RIMKLB: variants seen among roughly 807,000 people sequenced by gnomAD.
RIMKLB encodes the protein ribosomal modification protein rimK like family member B.
In RIMKLB, 7 loss-of-function variants were observed where a neutral mutation model predicts 32.0. That is an observed-to-expected ratio of 0.22 (90% CI 0.12 to 0.41). The LOEUF (loss-of-function observed/expected upper bound fraction) is 0.41, where lower values mean the gene tolerates loss of function less well. Among genes scored for constraint, RIMKLB ranks in the 10% least tolerant of loss-of-function variants. RIMKLB has a pLI of 1.00. For synonymous variants in RIMKLB, 172 were observed against 185.1 expected, an observed-to-expected ratio of 0.93 and a Z score of 0.57; for missense variants, 289 against 498.7, an observed-to-expected ratio of 0.58 and a Z score of 4.00.
chr12:8,685,549 A>C (rs1395525802), intron 1 of RIMKLB, among the ~76,000 whole-genome samples: 1 of 149,584 alleles, frequency 6.7e-6, no homozygotes, highest in Non-Finnish European at 1.5e-5. Context: ...TTTTTATTAA[A>C]TTGTTGCATT....
Position 8,775,518 on chromosome 12 carries a change from C to T in RIMKLB, c.*1734C>T. ...AAGCTTTTACCCAAGCCCTTTCTTG[C>T]CTCTCCAGTGCTATTTTCCTTCAGA... On this transcript the variant is annotated 3_prime_UTR_variant, in exon 6 of 6. Coordinates refer to ENST00000535829, the MANE Select transcript of RIMKLB (RefSeq NM_001297776.2). 1 of 985,716 alleles carries T rather than the reference C, an allele frequency of 1.0e-6. No individual in the cohort carries two copies. The highest frequency in any genetic ancestry group is 4.7e-5 in the South Asian group (1 of 21,276). The allele number at this position is 985,716 out of a possible 1,614,324, so 61.1% of individuals were successfully genotyped here.
At position 8,776,587 on chromosome 12, in the gene RIMKLB, T is replaced by A. The variant is rs916420002; in HGVS notation, c.*2803T>A. On this transcript the variant is annotated 3_prime_UTR_variant, in exon 6 of 6. Transcript: ENST00000535829. ...ATTTCAAAAATGATTATTTCTGATA[T>A]TGTTTTTATGTCACCCATGATGAAA... The A allele has an allele frequency of 8.4e-6, 7 of 836,104 alleles. No individual in the cohort carries two copies. The highest frequency in any genetic ancestry group is 1.0e-5 in the Non-Finnish European group (7 of 694,196). The allele number at this position is 836,104 out of a possible 1,614,324, so 51.8% of individuals were successfully genotyped here.
chr12:8,708,904 T>C (rs1420551978), intron 1 of RIMKLB, among the ~76,000 whole-genome samples: 1 of 152,190 alleles, frequency 6.6e-6, no homozygotes, highest in Non-Finnish European at 1.5e-5. Flanking sequence ...TTCTCTTTAT[T>C]TCAAAAAAGG....
intron 2 of RIMKLB, among the ~76,000 whole-genome samples, chr12:8,720,542 C>G (rs775496477): frequency 6.6e-6 from 1 of 152,048 alleles, no homozygotes; most frequent in Non-Finnish European, 1.5e-5. Context: ...TATCATTATC[C>G]CTCGTGTGTG....
At chr12:8,762,618 C>T (rs1949623643) in intron 5 of RIMKLB, among the ~76,000 whole-genome samples, 1 of 152,174 alleles carries the variant, frequency 6.6e-6, no homozygotes, top group African/African-American at 2.4e-5. Flanking sequence ...CCTTTCTCTC[C>T]ATATTGCTGC....
intron 7 of RIMKLB, among the ~76,000 whole-genome samples, chr12:8,782,454 A>G (rs745836951): frequency 1.4e-4 from 22 of 152,272 alleles, no homozygotes; most frequent in African/African-American, 5.3e-4. Context: ...ATAAGTCACA[A>G]AACTTGCAGA....
At chr12:8,702,077 T>C (rs1943455806) in intron 1 of RIMKLB, among the ~76,000 whole-genome samples, 1 of 152,206 alleles carries the variant, frequency 6.6e-6, no homozygotes, top group African/African-American at 2.4e-5. Context: ...ATAGCTATGA[T>C]TTTTTGATAC....
intron 2 of RIMKLB, among the ~76,000 whole-genome samples, chr12:8,724,364 G>C (rs1213894038): frequency 1.3e-5 from 2 of 151,928 alleles, no homozygotes; most frequent in Non-Finnish European, 2.9e-5. Flanking sequence ...TTCTTTGTCA[G>C]GTACTTTGTA....
intron 2 of RIMKLB, among the ~76,000 whole-genome samples, chr12:8,716,197 A>G (rs1327117950): frequency 1.3e-5 from 2 of 152,132 alleles, no homozygotes; most frequent in Non-Finnish European, 2.9e-5. Flanking sequence ...GGGCATCTCT[A>G]TTTTTTAAAA....
At chr12:8,750,411 C>G (rs78680754) in intron 3 of RIMKLB, among the ~76,000 whole-genome samples, 2 of 152,038 alleles carry the variant, frequency 1.3e-5, no homozygotes, top group Admixed American at 6.6e-5. Flanking sequence ...AGCTTTGTTC[C>G]GATGAAACTT....
intron 3 of RIMKLB, among the ~76,000 whole-genome samples, chr12:8,750,877 A>G (rs1474711124): frequency 1.3e-5 from 2 of 149,446 alleles, no homozygotes; most frequent in Non-Finnish European, 2.9e-5. Flanking sequence ...GAAAAGATCA[A>G]ACTTAAATCA....
intron 1 of RIMKLB, among the ~76,000 whole-genome samples, chr12:8,711,478 T>C (rs1944370823): frequency 6.6e-6 from 1 of 152,060 alleles, no homozygotes; most frequent in Admixed American, 6.6e-5. Context: ...CTTCAGAGTG[T>C]TGGAAGTCAG....
At chr12:8,745,063 C>T (rs182939493) in intron 2 of RIMKLB, among the ~76,000 whole-genome samples, 4 of 151,962 alleles carry the variant, frequency 2.6e-5, no homozygotes, top group Non-Finnish European at 2.9e-5. Flanking sequence ...TCTCATTGTT[C>T]AACTCCCACC....
At chr12:8,780,530 CTGAA>C (rs1555096262), downstream of RIMKLB, 1 of 152,142 alleles carries the variant, frequency 6.6e-6, no homozygotes, top group Non-Finnish European at 1.5e-5. Flanking sequence ...CTTATTTAAT[CTGAA>C]TGGTAAGCAA....
intron 2 of RIMKLB, among the ~76,000 whole-genome samples, chr12:8,714,915 A>G (rs941372839): frequency 2.0e-5 from 3 of 152,142 alleles, no homozygotes; most frequent in African/African-American, 7.2e-5. Context: ...CCCATGATTT[A>G]ATTTCCTCAT....
At position 8,701,492 on chromosome 12, in the gene RIMKLB, C is replaced by T. The variant is rs1325916402; in HGVS notation, c.-57+3195C>T. ...AGCCACAGAGCTAGCCAGCTCTACTCCCCTAGAGGCTGGTCTGCATGGAAC... is the reference window on the plus strand; with the variant it reads ...AGCCACAGAGCTAGCCAGCTCTACTTCCCTAGAGGCTGGTCTGCATGGAAC... On this transcript the variant is annotated intron_variant, in intron 1 of 5. Coordinates refer to ENST00000535829, the MANE Select transcript of RIMKLB (RefSeq NM_001297776.2). Among the ~76,000 whole-genome samples, 4 of 151,914 alleles carry T rather than the reference C, an allele frequency of 2.6e-5. No homozygotes were observed. The East Asian group carries it at 5.8e-4, about 22-fold the overall frequency.
At chr12:8,730,410 T>C (rs776355179) in intron 2 of RIMKLB, among the ~76,000 whole-genome samples, 1 of 152,120 alleles carries the variant, frequency 6.6e-6, no homozygotes, top group Non-Finnish European at 1.5e-5. Context: ...TTTAGATGTC[T>C]TAATTTCCCA....
chr12:8,672,348 CTGTTGGTA>C, the RIMKLB span, among the ~76,000 whole-genome samples: 1 of 152,242 alleles, frequency 6.6e-6, no homozygotes, highest in Non-Finnish European at 1.5e-5. Flanking sequence ...ATACCCCACT[CTGTTGGTA>C]CCAGTTTACT....
Position 8,774,594 on chromosome 12 carries a change from A to G in RIMKLB, c.*810A>G, listed in dbSNP as rs1484422183. The G allele has an allele frequency of 3.1e-6, 3 of 976,416 alleles. No homozygotes were observed. The highest frequency in any genetic ancestry group is 3.6e-5 in the African/African-American group (2 of 55,306). 60.5% of individuals were successfully genotyped at this position (976,416 alleles called of 1,614,324 possible). A position where few individuals can be genotyped will look rare whatever the true frequency, so the allele number is the denominator to read the frequency against. On this transcript the variant is annotated 3_prime_UTR_variant, in exon 6 of 6. Transcript: ENST00000535829. ...TTGCTTTTTTTTTTTTTTTTAATAC[A>G]TGCTAGTCTAACATTTCCTGCTCTA...
Sources: allele counts gnomAD v4.1 joint callset (sites outside exome capture counted in the v4.1 genomes callset), GRCh38; gene constraint gnomAD v4.1.1; transcripts MANE v1.5; gene names NCBI Gene and HGNC (gene_info 2026-07-23, HGNC 2026-07-21).